Variants in BTG1 observed in about 807,000 individuals in gnomAD.
BTG1 encodes the protein BTG anti-proliferation factor 1, also known as protein BTG1.
BTG1 carries 2 observed loss-of-function variants against 15.2 expected under a neutral mutation model. That is an observed-to-expected ratio of 0.13 (90% CI 0.05 to 0.41). BTG1 has a LOEUF of 0.41. BTG1 is among the 10% of genes least tolerant of loss of function. The pLI, the probability that BTG1 is intolerant of heterozygous loss-of-function variation, is 0.99. For synonymous variants in BTG1, 109 were observed against 82.4 expected, an observed-to-expected ratio of 1.32 and a Z score of -1.75; for missense variants, 149 against 215.0, an observed-to-expected ratio of 0.69 and a Z score of 1.92.
At position 92,142,616 on chromosome 12, in the gene BTG1, A is replaced by G. The variant is rs1188746116; in HGVS notation, c.*1464T>C. 2 of 232,934 alleles carry G rather than the reference A, an allele frequency of 8.6e-6. No individual in the cohort carries two copies. Among genetic ancestry groups the G allele is most frequent in the Non-Finnish European group, 1.7e-5 (2 of 117,910 alleles). The allele number at this position is 232,934 out of a possible 1,614,324, so 14.4% of individuals were successfully genotyped here. On this transcript the variant is annotated 3_prime_UTR_variant, in exon 2 of 2. Coordinates refer to ENST00000256015, the MANE Select transcript of BTG1 (RefSeq NM_001731.3). ...AAGTTCATAAACATACCTTTTGTTGAATTCCAGCTTATGTGATTTTTATGT... is the reference window on the plus strand; with the variant it reads ...AAGTTCATAAACATACCTTTTGTTGGATTCCAGCTTATGTGATTTTTATGT...
In BTG1 at chr12:92,142,561, GAA is replaced by G. The variant is rs1870311931; in HGVS notation, c.*1517_*1518del. 4.3e-6 allele frequency: 1 copy of G among 232,632 alleles called. No individual in the cohort carries two copies. The highest frequency in any genetic ancestry group is 2.2e-5 in the African/African-American group (1 of 45,306). 14.4% of individuals were successfully genotyped at this position (232,632 alleles called of 1,614,324 possible). A position where few individuals can be genotyped will look rare whatever the true frequency, so the allele number is the denominator to read the frequency against. ...TAAAAGTCTGAAAATGAGGAATCGA[GAA>G]AGTCAGCATTTCAACTTTTGAGAAT... On this transcript the variant is annotated 3_prime_UTR_variant, in exon 2 of 2. Coordinates refer to ENST00000256015, the MANE Select transcript of BTG1 (RefSeq NM_001731.3).
Position 92,141,584 on chromosome 12 carries a change from A to T in BTG1, c.*2496T>A. Reference sequence around the variant, plus strand: ...GTCATCCTATCTTAAAAGGATTTATAATAAAATATTTCAAAACATTCCCCA... The same window carrying T: ...GTCATCCTATCTTAAAAGGATTTATTATAAAATATTTCAAAACATTCCCCA... On this transcript the variant is annotated 3_prime_UTR_variant, in exon 2 of 2. Transcript: ENST00000256015. 2 of 231,298 alleles carry T rather than the reference A, an allele frequency of 8.6e-6. No homozygotes were observed. Among genetic ancestry groups the T allele is most frequent in the Non-Finnish European group, 1.7e-5 (2 of 116,820 alleles). The allele number at this position is 231,298 out of a possible 1,614,324, so 14.3% of individuals were successfully genotyped here. A position where few individuals can be genotyped will look rare whatever the true frequency, so the allele number is the denominator to read the frequency against.
Position 92,144,022 on chromosome 12 carries a change from C to A in BTG1, c.*58G>T. On this transcript the variant is annotated 3_prime_UTR_variant, in exon 2 of 2. Coordinates refer to ENST00000256015, the MANE Select transcript of BTG1 (RefSeq NM_001731.3). The stretch of plus-strand genomic sequence containing the variant: ...TAATCCATCCCCAAGAGGAGCCCAC[C>A]CAAAGCAAAAATCAAATTTATCCAT... 1 of 1,594,474 alleles carries A rather than the reference C, an allele frequency of 6.3e-7. No individual in the cohort carries two copies. The highest frequency in any genetic ancestry group is 1.1e-5 in the South Asian group (1 of 88,474).
chr12:92,144,976 A>T (rs1870489383), intron 1 of BTG1: 1 of 185,116 alleles, frequency 5.4e-6, no homozygotes, highest in Admixed American at 6.3e-5. Context: ...GCTCCGGGGC[A>T]GCGGCGCAGC....
In BTG1 at chr12:92,145,539, G is replaced by C; in HGVS notation, c.-4C>G. On this transcript the variant is annotated 5_prime_UTR_variant, in exon 1 of 2. Transcript: ENST00000256015. ...CCCGGGTGTAGAAGGGATGCATGGG[G>C]GCGGCGTGCGGGGGCGGCCCGGGGC... 1 of 1,494,234 alleles carries C rather than the reference G, an allele frequency of 6.7e-7. No individual in the cohort carries two copies. 92.6% of individuals were successfully genotyped at this position (1,494,234 alleles called of 1,614,324 possible).
In BTG1 at chr12:92,144,192, T is replaced by G; in HGVS notation, c.404A>C (p.Gln135Pro). Residue 135 changes from glutamine (Q) to proline (P), a missense_variant, in exon 2 of 2, where the codon CAA becomes CCA. By Grantham distance (76) the Gln-to-Pro change is moderately conservative. Transcript: ENST00000256015. ...TACCATTTGCACGTTGGTGCTGTTTTGAGTGCTACCTCCTGCTGGTGAGGC... is the reference window on the plus strand; with the variant it reads ...TACCATTTGCACGTTGGTGCTGTTTGGAGTGCTACCTCCTGCTGGTGAGGC... ...YEASPAGGST[Q>P]NSTNVQMVDS... The G allele has an allele frequency of 6.2e-7, 1 of 1,614,222 alleles. No homozygotes were observed. Among genetic ancestry groups the G allele is most frequent in the Non-Finnish European group, 8.5e-7 (1 of 1,180,034 alleles).
Position 92,142,318 on chromosome 12 carries a change from G to C in BTG1, c.*1762C>G. The C allele has an allele frequency of 4.3e-6, 1 of 230,450 alleles. No individual in the cohort carries two copies. The highest frequency in any genetic ancestry group is 8.6e-6 in the Non-Finnish European group (1 of 116,396). The allele number at this position is 230,450 out of a possible 1,614,324, so 14.3% of individuals were successfully genotyped here. On this transcript the variant is annotated 3_prime_UTR_variant, in exon 2 of 2. Coordinates refer to ENST00000256015, the MANE Select transcript of BTG1 (RefSeq NM_001731.3). ...AATTACTAATTTTATTTCAGACTGC[G>C]TATTTCCAGTGTCAACATGTTTACA...
At position 92,145,698 on chromosome 12, in the gene BTG1, A is replaced by C; in HGVS notation, c.-163T>G. 1 of 422,264 alleles carries C rather than the reference A, an allele frequency of 2.4e-6. No individual in the cohort carries two copies. Among genetic ancestry groups the C allele is most frequent in the Non-Finnish European group, 3.9e-6 (1 of 258,364 alleles). 26.2% of individuals were successfully genotyped at this position (422,264 alleles called of 1,614,324 possible). A position where few individuals can be genotyped will look rare whatever the true frequency, so the allele number is the denominator to read the frequency against. ...TGTCTTTCTTTCTTTAGACTAAAAAAGTTATTTTCGAGACAGGAGGCGGCA... is the reference window on the plus strand; with the variant it reads ...TGTCTTTCTTTCTTTAGACTAAAAACGTTATTTTCGAGACAGGAGGCGGCA... On this transcript the variant is annotated 5_prime_UTR_variant, in exon 1 of 2. Transcript: ENST00000256015.
chr12:92,145,249 G>T, intron 1 of BTG1, 139 bp downstream of exon 1: 1 of 1,262,926 alleles, frequency 7.9e-7, no homozygotes, highest in Non-Finnish European at 1.0e-6. Flanking sequence ...CGGCCACCCA[G>T]CGCAACCACA....
In BTG1 at chr12:92,141,227, CTATT is replaced by C. The variant is rs1870201256; in HGVS notation, c.*2849_*2852del. On this transcript the variant is annotated 3_prime_UTR_variant, in exon 2 of 2. Transcript: ENST00000256015. ...TGTGAGTTATAATGACTTAAGGAAA[CTATT>C]TGTGCAATGTACCTGAAAGCCACTT... is the stretch of plus-strand genomic sequence containing the variant. 1 of 232,592 alleles carries C rather than the reference CTATT, an allele frequency of 4.3e-6. No homozygotes were observed. Among genetic ancestry groups the C allele is most frequent in the African/African-American group, 2.2e-5 (1 of 45,420 alleles). 14.4% of individuals were successfully genotyped at this position (232,592 alleles called of 1,614,324 possible).
chr12:92,142,897 T>C lies in BTG1; in HGVS notation c.*1183A>G, dbSNP rs1218494272. ...ACCGTGGTCTCTTATCCTTATTTCA[T>C]GAGATCATTAGCCTGTGAATGTGTC... On this transcript the variant is annotated 3_prime_UTR_variant, in exon 2 of 2. Coordinates refer to ENST00000256015, the MANE Select transcript of BTG1 (RefSeq NM_001731.3). 4.3e-6 allele frequency: 1 copy of C among 232,956 alleles called. No homozygotes were observed. The highest frequency in any genetic ancestry group is 8.5e-6 in the Non-Finnish European group (1 of 117,812). The allele number at this position is 232,956 out of a possible 1,614,324, so 14.4% of individuals were successfully genotyped here. A position where few individuals can be genotyped will look rare whatever the true frequency, so the allele number is the denominator to read the frequency against.
intron 1 of BTG1, chr12:92,145,170 T>G: frequency 8.7e-6 from 5 of 575,458 alleles, no homozygotes; most frequent in Non-Finnish European, 1.0e-5. Context: ...CTCCTCTCCG[T>G]TTTGCCAGCT....
At position 92,142,351 on chromosome 12, in the gene BTG1, CA is replaced by C; in HGVS notation, c.*1728del. ...AGTGTCAACATGTTTACATATATAC[CA>C]AAAAAAGGCCACTATATGTTAACTG... On this transcript the variant is annotated 3_prime_UTR_variant, in exon 2 of 2. Transcript: ENST00000256015. The C allele has an allele frequency of 4.3e-6, 1 of 230,224 alleles. No homozygotes were observed. The highest frequency in any genetic ancestry group is 8.6e-6 in the Non-Finnish European group (1 of 116,434). The allele number at this position is 230,224 out of a possible 1,614,324, so 14.3% of individuals were successfully genotyped here. A position where few individuals can be genotyped will look rare whatever the true frequency, so the allele number is the denominator to read the frequency against.
In BTG1 at chr12:92,143,868, T is replaced by C. The variant is rs1379006615; in HGVS notation, c.*212A>G. 7 of 547,570 alleles carry C rather than the reference T, an allele frequency of 1.3e-5. No individual in the cohort carries two copies. Among genetic ancestry groups the C allele is most frequent in the Non-Finnish European group, 2.2e-5 (7 of 323,670 alleles). The allele number at this position is 547,570 out of a possible 1,614,324, so 33.9% of individuals were successfully genotyped here. ...AAATAAAGTGATCATTTACTTGGAC[T>C]CACAGGCTATTAAAATTAATCATTG... On this transcript the variant is annotated 3_prime_UTR_variant, in exon 2 of 2. Coordinates refer to ENST00000256015, the MANE Select transcript of BTG1 (RefSeq NM_001731.3).
At chr12:92,144,585 G>A (rs1324323057) in intron 1 of BTG1, 138 bp from the exon 2 acceptor site, 4 of 1,159,836 alleles carry the variant, frequency 3.4e-6, no homozygotes, top group Admixed American at 2.5e-5. Context: ...TGCATCCGTT[G>A]TTGTGCATGT....
intron 1 of BTG1, chr12:92,144,910 A>G (rs1212405040): frequency 9.9e-6 from 2 of 202,786 alleles, no homozygotes; most frequent in African/African-American, 4.8e-5. Flanking sequence ...GACAAATCCG[A>G]TGATTAATGG....
chr12:92,145,619 C>T lies in BTG1; in HGVS notation c.-84G>A. 3 of 1,027,936 alleles carry T rather than the reference C, an allele frequency of 2.9e-6. No homozygotes were observed. The highest frequency in any genetic ancestry group is 3.8e-6 in the Non-Finnish European group (3 of 791,062). The allele number at this position is 1,027,936 out of a possible 1,614,324, so 63.7% of individuals were successfully genotyped here. A position where few individuals can be genotyped will look rare whatever the true frequency, so the allele number is the denominator to read the frequency against. On this transcript the variant is annotated 5_prime_UTR_variant, in exon 1 of 2. Transcript: ENST00000256015. ...GCGGAGCAGCCACCCCGGGCTTCCTCACCGGGCGGAAGGCTGAGAGGAAGA... is the reference window on the plus strand; with the variant it reads ...GCGGAGCAGCCACCCCGGGCTTCCTTACCGGGCGGAAGGCTGAGAGGAAGA...
Position 92,145,545 on chromosome 12 carries a change from G to C in BTG1, c.-10C>G, listed in dbSNP as rs377332794. The C allele has an allele frequency of 7.4e-6, 11 of 1,478,984 alleles. No individual in the cohort carries two copies. Among genetic ancestry groups the C allele is most frequent in the Non-Finnish European group, 9.9e-6 (11 of 1,108,442 alleles). The allele number at this position is 1,478,984 out of a possible 1,614,324, so 91.6% of individuals were successfully genotyped here. ...TGTAGAAGGGATGCATGGGGGCGGC[G>C]TGCGGGGGCGGCCCGGGGCGGCTGG... On this transcript the variant is annotated 5_prime_UTR_variant, in exon 1 of 2. Coordinates refer to ENST00000256015, the MANE Select transcript of BTG1 (RefSeq NM_001731.3).
Position 92,145,340 on chromosome 12 carries a change from C to A in BTG1, c.148+48G>T. 3 of 1,488,222 alleles carry A rather than the reference C, an allele frequency of 2.0e-6. No individual in the cohort carries two copies. In the African/African-American group the frequency reaches 4.3e-5, roughly 22 times the overall value. The allele number at this position is 1,488,222 out of a possible 1,614,324, so 92.2% of individuals were successfully genotyped here. A position where few individuals can be genotyped will look rare whatever the true frequency, so the allele number is the denominator to read the frequency against. ...CGCAGCCCCGACGGCCGGACTCTGA[C>A]CCAGGGATGTGGGGCCCGCGTCCCT... is the stretch of plus-strand genomic sequence containing the variant. On this transcript the variant is annotated intron_variant, in intron 1 of 1. Coordinates refer to ENST00000256015, the MANE Select transcript of BTG1 (RefSeq NM_001731.3).
Sources: allele counts gnomAD v4.1 joint callset, GRCh38; gene constraint gnomAD v4.1.1; transcripts MANE v1.5; gene names NCBI Gene and HGNC (gene_info 2026-07-23, HGNC 2026-07-21).